IRAG2: variants seen among roughly 807,000 people sequenced by gnomAD.
IRAG2 encodes lymphoid restricted membrane protein.
A neutral mutation model predicts 69.9 loss-of-function variants in IRAG2; 45 were observed. That is an observed-to-expected ratio of 0.64 (90% CI 0.51 to 0.83). The LOEUF (loss-of-function observed/expected upper bound fraction) is 0.83. Ranked by LOEUF, IRAG2 falls within the 40% of genes least tolerant of loss-of-function variation. The pLI is 0.00. For missense variants in IRAG2, 520 were observed against 587.0 expected, an observed-to-expected ratio of 0.89 and a Z score of 1.18; for synonymous variants, 193 against 202.4, an observed-to-expected ratio of 0.95 and a Z score of 0.40.
chr12:25,063,464 A>G (rs557555754), intron 3 of IRAG2, among the ~76,000 whole-genome samples: 3 of 152,280 alleles, frequency 2.0e-5, no homozygotes, highest in Non-Finnish European at 4.4e-5. Context: ...AATTATTTGG[A>G]GTTGATGATG....
At chr12:25,087,783 A>G (rs1006993006) in intron 10 of IRAG2, among the ~76,000 whole-genome samples, 1 of 152,140 alleles carries the variant, frequency 6.6e-6, no homozygotes, top group Non-Finnish European at 1.5e-5. Flanking sequence ...CCTCCTGTCA[A>G]ATCAGTGGTG....
chr12:25,067,307 C>T (rs1227655645), intron 5 of IRAG2, among the ~76,000 whole-genome samples: 1 of 152,118 alleles, frequency 6.6e-6, no homozygotes, highest in Non-Finnish European at 1.5e-5. Context: ...CTTCTGATAC[C>T]AGATGTGTGG....
exon 7 of IRAG2, chr12:25,020,805 T>C (rs1591927270): frequency 1.6e-6 from 2 of 1,231,178 alleles, no homozygotes; most frequent in East Asian, 6.3e-5. Context: ...ACCAGGCTAT[T>C]ATGAGAACAA....
upstream of IRAG2, among the ~76,000 whole-genome samples, chr12:24,999,373 C>T (rs189546264): frequency 7.2e-5 from 11 of 152,200 alleles, no homozygotes; most frequent in East Asian, 9.6e-4. Flanking sequence ...AGTTTTGGAT[C>T]GGGCAGATGG....
chr12:25,031,336 T>C (rs1434031825), intron 10 of IRAG2, among the ~76,000 whole-genome samples: 5 of 152,224 alleles, frequency 3.3e-5, no homozygotes, highest in African/African-American at 1.2e-4. Flanking sequence ...CAGGTATTGA[T>C]TGATCATCTC....
intron 10 of IRAG2, among the ~76,000 whole-genome samples, chr12:25,086,866 A>C (rs1947640653): frequency 6.6e-6 from 1 of 152,136 alleles, no homozygotes; most frequent in Non-Finnish European, 1.5e-5. Flanking sequence ...TTAATTGATC[A>C]CGAATGGGAG....
upstream of IRAG2, among the ~76,000 whole-genome samples, chr12:25,049,166 G>A (rs1944820269): frequency 6.6e-6 from 1 of 152,168 alleles, no homozygotes; most frequent in South Asian, 2.1e-4. Context: ...ATAGTTTAAA[G>A]TCGGGTAGCG....
At chr12:25,018,610 T>C (rs1944551857) in intron 6 of IRAG2, among the ~76,000 whole-genome samples, 1 of 152,242 alleles carries the variant, frequency 6.6e-6, no homozygotes, top group Non-Finnish European at 1.5e-5. Context: ...GTCCTCTTCA[T>C]TTCACAATTG....
chr12:25,081,357 G>A (rs969796299), intron 9 of IRAG2, among the ~76,000 whole-genome samples: 9 of 152,146 alleles, frequency 5.9e-5, no homozygotes, highest in Non-Finnish European at 1.0e-4. Flanking sequence ...CCAGCTACTC[G>A]GGAGGCTGAG....
intron 16 of IRAG2, among the ~76,000 whole-genome samples, chr12:25,042,729 T>A (rs1944760567): frequency 6.6e-6 from 1 of 151,956 alleles, no homozygotes; most frequent in Non-Finnish European, 1.5e-5. Context: ...CCTCCCAAAG[T>A]GCTGGGATTA....
chr12:25,001,914 C>T (rs1177407947), upstream of IRAG2, among the ~76,000 whole-genome samples: 2 of 151,930 alleles, frequency 1.3e-5, no homozygotes, highest in East Asian at 3.9e-4. Context: ...GGATTACAGG[C>T]ATGTACCAAC....
chr12:25,009,676 C>T (rs1397435834), intron 2 of IRAG2, among the ~76,000 whole-genome samples: 1 of 152,164 alleles, frequency 6.6e-6, no homozygotes, highest in Non-Finnish European at 1.5e-5. Flanking sequence ...TTCAGTAGAT[C>T]CAACAGTTTG....
chr12:25,105,774 A>T (rs1368830590), intron 20 of IRAG2, among the ~76,000 whole-genome samples: 1 of 152,200 alleles, frequency 6.6e-6, no homozygotes, highest in African/African-American at 2.4e-5. Context: ...AATGCAATGC[A>T]ATTTATTCTG....
chr12:25,054,187 C>A (rs1945070293), intron 1 of IRAG2, among the ~76,000 whole-genome samples: 1 of 152,164 alleles, frequency 6.6e-6, no homozygotes, highest in South Asian at 2.1e-4. Flanking sequence ...CTGATTCACT[C>A]TGTTAAGCTA....
chr12:25,100,222 G>C (rs1225437874), intron 15 of IRAG2, among the ~76,000 whole-genome samples: 3 of 151,906 alleles, frequency 2.0e-5, no homozygotes, highest in African/African-American at 7.2e-5. Context: ...GAAGGAAGGA[G>C]GGAGGGAGGA....
chr12:25,050,108 CAGAG>C, upstream of IRAG2, among the ~76,000 whole-genome samples: 1 of 150,172 alleles, frequency 6.7e-6, no homozygotes, highest in East Asian at 2.0e-4. Context: ...GCCTGGGTGA[CAGAG>C]TGAGACTCCG....
At chr12:25,052,215 T>TTC, upstream of IRAG2, 1 of 387,540 alleles carries the variant, frequency 2.6e-6, no homozygotes, top group Non-Finnish European at 4.5e-6. Context: ...TTTTTTTTTT[T>TTC]TTTTTTTTTT....
chr12:25,104,082 C>T, intron 19 of IRAG2, 24 bp downstream of exon 19: 1 of 1,600,354 alleles, frequency 6.2e-7, no homozygotes, highest in Non-Finnish European at 8.6e-7. Flanking sequence ...TATGGTTCCT[C>T]TTTGGGAACC....
rs934118372 is a variant in IRAG2, at chr12:25,063,738, C to T, written c.-285C>T. On this transcript the variant is annotated 5_prime_UTR_variant, in exon 4 of 22. Coordinates refer to ENST00000556887, the MANE Select transcript of IRAG2 (RefSeq NM_001366544.2). ...TGTTCAGAAGCAGTGTTGCCACAAA[C>T]TATATGGTGGTCAAGAAGCAAGAAT... The T allele has an allele frequency of 2.5e-6, 1 of 399,026 alleles. No individual in the cohort carries two copies. Among genetic ancestry groups the T allele is most frequent in the Non-Finnish European group, 4.4e-6 (1 of 226,060 alleles). 24.7% of individuals were successfully genotyped at this position (399,026 alleles called of 1,614,324 possible).
Sources: gnomAD v4.1 joint callset for allele counts (sites outside exome capture counted in the v4.1 genomes callset) on GRCh38, gnomAD v4.1.1 for gene constraint, MANE v1.5 for transcripts, NCBI Gene and HGNC (gene_info 2026-07-23, HGNC 2026-07-21) for gene names.